DOP1B: variants seen among roughly 807,000 people sequenced by gnomAD.
The protein encoded by DOP1B is protein DOP1B.
In DOP1B, 174 loss-of-function variants were observed where a neutral mutation model predicts 233.5. The observed-to-expected ratio is 0.75, with a 90% CI of 0.66 to 0.85. The LOEUF is 0.85. DOP1B is among the 40% of genes least tolerant of loss of function. DOP1B has a pLI of 0.00. For missense variants in DOP1B, 2,652 were observed against 2,846.6 expected (o/e 0.93, Z 1.56); for synonymous variants, 1,190 against 1,185.6 (o/e 1.00, Z -0.08).
At chr21:36,248,925 T>G (rs1241207223) in intron 21 of DOP1B, among the ~76,000 whole-genome samples, 1 of 148,152 alleles carries the variant, frequency 6.7e-6, no homozygotes, top group East Asian at 2.0e-4. Context: ...GCCAACATGG[T>G]GAAACCCCAT....
At position 36,232,833 on chromosome 21, in the gene DOP1B, C is replaced by T. The variant is rs1364804508; in HGVS notation, c.2380C>T (p.Leu794=). The T allele has an allele frequency of 1.9e-6, 3 of 1,613,098 alleles. No individual in the cohort carries two copies. Among genetic ancestry groups the T allele is most frequent in the Admixed American group, 1.7e-5 (1 of 59,962 alleles). The change falls in exon 15 of 37, where the codon CTG becomes TTG. Residue 794 remains leucine (L), a synonymous_variant. Coordinates refer to ENST00000691173, the MANE Select transcript of DOP1B (RefSeq NM_001320714.2). ...GAGDSSFPSW[L]KSLMTICCCV... ...CGGTGATTCCAGTTTTCCATCTTGG[C>T]TGAAGTCCCTCATGACTATTTGCTG...
In DOP1B at chr21:36,199,179, C is replaced by A; in HGVS notation, c.248C>A (p.Ala83Asp). ...PALPSGVHLK[A>D]LETYEIIFKI... is the part of the protein sequence containing the mutation. ...CTGCCCAGTGGTGTCCACTTAAAAG[C>A]TCTGGAAACCTACGAGATTATCTTT... The change falls in exon 3 of 37, where the codon GCT (alanine) becomes GAT (aspartate). Residue 83 changes from alanine (A) to aspartate (D), a missense_variant. Physicochemically the swap from Ala to Asp is moderately radical, Grantham distance 126. Around this residue, in one of 3 missense-constraint regions of DOP1B, gnomAD observed 2,617 missense variants for 2,794.3 expected, o/e 0.94. Transcript: ENST00000691173. 6.2e-7 allele frequency: 1 copy of A among 1,614,138 alleles called. No homozygotes were observed. The highest frequency in any genetic ancestry group is 8.5e-7 in the Non-Finnish European group (1 of 1,180,024).
At position 36,255,306 on chromosome 21, in the gene DOP1B, A is replaced by AT. The variant is rs982078293; in HGVS notation, c.5259+1408dup. On this transcript the variant is annotated intron_variant, in intron 23 of 36. Transcript: ENST00000691173. ...ACCACCAAGCCCGGCTAATTTTTGTATTTTTTTTTTTCTTTTAGTAGAGAC... is the reference window on the plus strand; with the variant it reads ...ACCACCAAGCCCGGCTAATTTTTGTATTTTTTTTTTTTCTTTTAGTAGAGAC... Among the ~76,000 whole-genome samples the AT allele has an allele frequency of 2.0e-3, 284 of 141,518 alleles. 2 individuals are homozygous for AT. The highest frequency in any genetic ancestry group is 4.2e-3 in the Admixed American group (59 of 14,006). 92.8% of individuals were successfully genotyped at this position (141,518 alleles called of 152,430 possible).
intron 27 of DOP1B, among the ~76,000 whole-genome samples, chr21:36,270,465 A>G (rs1394408643): frequency 6.9e-6 from 1 of 144,604 alleles, no homozygotes; most frequent in African/African-American, 2.6e-5. Context: ...AGGCAGGAGA[A>G]TCGCTTCAAC....
chr21:36,264,810 C>A (rs1427520632), intron 26 of DOP1B, among the ~76,000 whole-genome samples: 2 of 152,002 alleles, frequency 1.3e-5, no homozygotes, highest in Admixed American at 1.3e-4. Flanking sequence ...GCCTTATCCC[C>A]CATTATAACA....
chr21:36,175,576 T>G (rs1324239037), intron 2 of DOP1B, among the ~76,000 whole-genome samples: 2 of 151,512 alleles, frequency 1.3e-5, no homozygotes, highest in South Asian at 2.1e-4. Context: ...GTGGATCACT[T>G]GAGGTCAGGA....
Position 36,245,278 on chromosome 21 carries a change from GC to G in DOP1B, c.3301del (p.His1101ThrfsTer38), listed in dbSNP as rs770295248. 5.0e-6 allele frequency: 8 copies of G among 1,614,072 alleles called. No homozygotes were observed. The highest frequency in any genetic ancestry group is 2.5e-6 in the Non-Finnish European group (3 of 1,180,040). ...CTACGTGGAGCTTCCAGACAGGACG[GC>G]CCACGGCGCCCCGGACAGCAGCGAG... ...PYYVELPDRTAHGAPDSSEHT... is the reference protein window; with the variant it reads ...PYYVELPDRTXHGAPDSSEHT... On this transcript the variant is annotated frameshift_variant, in exon 19 of 37. Coordinates refer to ENST00000691173, the MANE Select transcript of DOP1B (RefSeq NM_001320714.2). LOFTEE classifies it high-confidence loss of function. The surrounding 1 kb of genome is among the most constrained non-coding windows in gnomAD (Gnocchi z 5.5).
Position 36,246,681 on chromosome 21 carries a change from C to G in DOP1B, c.4697+4C>G. On this transcript the variant is annotated splice_donor_region_variant and intron_variant, in intron 19 of 36. Transcript: ENST00000691173. The surrounding 1 kb of genome is among the most constrained non-coding windows in gnomAD (Gnocchi z 5.1). ...AATCTGTGAAGCTCTCTGTCAGGTG[C>G]GTTACGCTCCTTGTGACATCTTTAT... 6.3e-7 allele frequency: 1 copy of G among 1,599,870 alleles called. No homozygotes were observed. Among genetic ancestry groups the G allele is most frequent in the South Asian group, 1.1e-5 (1 of 90,594 alleles).
intron 18 of DOP1B, among the ~76,000 whole-genome samples, chr21:36,243,126 C>T (rs1025111402): frequency 5.3e-5 from 8 of 151,836 alleles, no homozygotes; most frequent in Non-Finnish European, 1.0e-4. Context: ...ATTACAGGCA[C>T]GCGCCGCCAC....
rs1369413520 is a variant in DOP1B, at chr21:36,230,724, T to C, written c.1940T>C (p.Leu647Pro). Residue 647 changes from leucine to proline, a missense_variant, in exon 14 of 37, where the codon CTG becomes CCG. Physicochemically the swap from Leu to Pro is moderately conservative, Grantham distance 98. Around this residue, in one of 3 missense-constraint regions of DOP1B, gnomAD observed 2,617 missense variants for 2,794.3 expected, o/e 0.94. Coordinates refer to ENST00000691173, the MANE Select transcript of DOP1B (RefSeq NM_001320714.2). ...AGCAAGAACATTTTTGGAGTACAGC[T>C]GACAGCGTCAGGAGAAGAAAGCAAG... ...FASKNIFGVQ[L>P]TASGEESKSE... is the part of the protein sequence containing the mutation. The C allele has an allele frequency of 1.2e-6, 2 of 1,614,164 alleles. No individual in the cohort carries two copies. Among genetic ancestry groups the C allele is most frequent in the Non-Finnish European group, 1.7e-6 (2 of 1,180,036 alleles).
Position 36,287,998 on chromosome 21 carries a change from A to G in DOP1B, c.6161-16A>G, listed in dbSNP as rs1266099475. 14 of 1,608,202 alleles carry G rather than the reference A, an allele frequency of 8.7e-6. No individual in the cohort carries two copies. Among genetic ancestry groups the G allele is most frequent in the Non-Finnish European group, 1.2e-5 (14 of 1,178,624 alleles). On this transcript the variant is annotated splice_polypyrimidine_tract_variant and intron_variant, in intron 32 of 36. Coordinates refer to ENST00000691173, the MANE Select transcript of DOP1B (RefSeq NM_001320714.2). ...CTGCATATTTGTGTAACATCTTTAC[A>G]ATCTTCTTTCCTTAGAACGCCTGAC...
intron 15 of DOP1B, among the ~76,000 whole-genome samples, chr21:36,235,389 A>G (rs1018266413): frequency 1.3e-5 from 2 of 152,040 alleles, no homozygotes; most frequent in African/African-American, 4.8e-5. Context: ...GATAACTAAG[A>G]CAACACCCAG....
At chr21:36,281,683 A>C in intron 32 of DOP1B, 72 bp downstream of exon 32, 1 of 1,345,258 alleles carries the variant, frequency 7.4e-7, no homozygotes, top group Admixed American at 2.7e-5. Flanking sequence ...TTATAAAAAC[A>C]GAAATTTATT....
intron 2 of DOP1B, among the ~76,000 whole-genome samples, chr21:36,180,708 C>G (rs1195631937): frequency 6.6e-6 from 1 of 152,076 alleles, no homozygotes; most frequent in Non-Finnish European, 1.5e-5. Context: ...TGGCAAAACC[C>G]CATCTCTACT....
intron 2 of DOP1B, chr21:36,169,135 T>C (rs768239789): frequency 8.8e-6 from 8 of 905,634 alleles, no homozygotes; most frequent in Non-Finnish European, 1.3e-5. Context: ...CCAGCAAAGA[T>C]GTGCAGAGAA....
intron 30 of DOP1B, 74 bp from the exon 31 acceptor site, chr21:36,280,211 T>C: frequency 1.8e-6 from 2 of 1,133,486 alleles, no homozygotes; most frequent in Non-Finnish European, 2.6e-6. Context: ...AGAGGATATG[T>C]TATTTTCTTA....
intron 16 of DOP1B, among the ~76,000 whole-genome samples, chr21:36,237,764 G>A (rs1448077601): frequency 5.3e-5 from 8 of 152,224 alleles, no homozygotes; most frequent in Non-Finnish European, 1.2e-4. Flanking sequence ...GGGCGTGGTG[G>A]CTCACACCCG....
At chr21:36,176,800 C>T (rs994825273) in intron 2 of DOP1B, among the ~76,000 whole-genome samples, 9 of 151,938 alleles carry the variant, frequency 5.9e-5, no homozygotes, top group African/African-American at 2.4e-5. Context: ...ATCCAACTCC[C>T]GTTTTTTTCC....
intron 2 of DOP1B, among the ~76,000 whole-genome samples, chr21:36,186,229 G>A (rs1000050374): frequency 6.6e-6 from 1 of 151,930 alleles, no homozygotes; most frequent in African/African-American, 2.4e-5. Flanking sequence ...GTAATTTTCT[G>A]ATCTAGCATG....
Sources: allele counts gnomAD v4.1 joint callset (sites outside exome capture counted in the v4.1 genomes callset), GRCh38; gene constraint gnomAD v4.1.1; regional missense constraint gnomAD v4.1.1; non-coding constraint Gnocchi (gnomAD v3.1); transcripts MANE v1.5; gene names NCBI Gene and HGNC (gene_info 2026-07-23, HGNC 2026-07-21).